Variants in SMG6 observed in about 807,000 individuals in gnomAD.
SMG6 encodes telomerase-binding protein EST1A.
A neutral mutation model predicts 142.2 loss-of-function variants in SMG6; 66 were observed. The observed-to-expected ratio is 0.46, with a 90% CI of 0.38 to 0.57. The LOEUF (loss-of-function observed/expected upper bound fraction) is 0.57. SMG6 is among the 20% of genes least tolerant of loss of function. SMG6 has a pLI of 0.00. For missense variants in SMG6, 1,793 were observed against 1,832.0 expected (o/e 0.98, Z 0.39); for synonymous variants, 779 against 702.4 (o/e 1.11, Z -1.72).
intron 10 of SMG6, among the ~76,000 whole-genome samples, chr17:2,226,050 C>T (rs551533951): frequency 1.1e-3 from 161 of 152,032 alleles, no homozygotes; most frequent in African/African-American, 3.3e-3. Flanking sequence ...CTGAGGCAGG[C>T]GGATCGCCTG....
At chr17:2,098,815 G>T (rs2068928377) in intron 13 of SMG6, among the ~76,000 whole-genome samples, 1 of 150,544 alleles carries the variant, frequency 6.6e-6, no homozygotes, top group Non-Finnish European at 1.5e-5. Flanking sequence ...ATTTTTAATA[G>T]AGACGGAGCT....
rs139519266 is a variant in SMG6, at chr17:2,241,200, G to A, written c.2723+3458C>T. 2.4e-3 allele frequency among the ~76,000 whole-genome samples: 369 copies of A among 152,242 alleles called. 1 individual carries two copies. Among genetic ancestry groups the A allele is most frequent in the African/African-American group, 8.1e-3 (338 of 41,534 alleles). On this transcript the variant is annotated intron_variant, in intron 9 of 18. Transcript: ENST00000263073. ...CTTTACCTTTTTGACAACAGAATAT[G>A]TTATATGCAGGAATAAAAGAGATCC...
chr17:2,176,092 T>C (rs1213145871), intron 12 of SMG6, among the ~76,000 whole-genome samples: 1 of 152,126 alleles, frequency 6.6e-6, no homozygotes, highest in Non-Finnish European at 1.5e-5. Flanking sequence ...AGTTAAGATA[T>C]TTGCAAAAGG....
At position 2,085,601 on chromosome 17, in the gene SMG6, C is replaced by G. The variant is rs1333754746; in HGVS notation, c.3534+124G>C. 1.0e-6 allele frequency: 1 copy of G among 985,906 alleles called. No homozygotes were observed. Among genetic ancestry groups the G allele is most frequent in the Non-Finnish European group, 1.5e-6 (1 of 662,588 alleles). The allele number at this position is 985,906 out of a possible 1,614,324, so 61.1% of individuals were successfully genotyped here. A position where few individuals can be genotyped will look rare whatever the true frequency, so the allele number is the denominator to read the frequency against. On this transcript the variant is annotated intron_variant, in intron 14 of 18. Coordinates refer to ENST00000263073, the MANE Select transcript of SMG6 (RefSeq NM_017575.5). This position sits in a 1 kb window ranked among gnomAD's most constrained non-coding sequence, Gnocchi z 4.1. ...TCAGAGCACACTCTCGAGAAGCTGG[C>G]TGGTCACATTAACACAGACGCTGTT...
chr17:2,122,785 T>C (rs1013711882), intron 13 of SMG6, among the ~76,000 whole-genome samples: 13 of 152,160 alleles, frequency 8.5e-5, no homozygotes, highest in African/African-American at 3.1e-4. Flanking sequence ...AGCTGAAACA[T>C]GTCCCTGTAA....
intron 10 of SMG6, among the ~76,000 whole-genome samples, chr17:2,229,767 C>G (rs563912736): frequency 6.6e-6 from 1 of 152,310 alleles, no homozygotes; most frequent in African/African-American, 2.4e-5. Context: ...CACCCCTCAC[C>G]AGCCCCCTAG....
chr17:2,223,922 C>CA (rs1213065138), intron 10 of SMG6, among the ~76,000 whole-genome samples: 22 of 148,370 alleles, frequency 1.5e-4, no homozygotes, highest in Middle Eastern at 3.4e-3. Context: ...ACAGGCAGAG[C>CA]AAAAAAAAAG....
chr17:2,067,477 T>C (rs2067984697), intron 16 of SMG6, among the ~76,000 whole-genome samples: 1 of 151,916 alleles, frequency 6.6e-6, no homozygotes, highest in Non-Finnish European at 1.5e-5. Context: ...AGCTCCTGGG[T>C]AGGAAAGCAG....
intron 10 of SMG6, among the ~76,000 whole-genome samples, chr17:2,206,702 A>T (rs933837373): frequency 6.6e-6 from 1 of 152,096 alleles, no homozygotes; most frequent in African/African-American, 2.4e-5. Flanking sequence ...AGCCTGACCA[A>T]CATGGTGAAA....
chr17:2,294,474 C>T (rs1434234001), intron 4 of SMG6, among the ~76,000 whole-genome samples: 2 of 152,220 alleles, frequency 1.3e-5, no homozygotes, highest in African/African-American at 4.8e-5. Context: ...TATTCCCGGT[C>T]ACTTTCTGTA....
chr17:2,078,368 T>C (rs1253814878), intron 15 of SMG6, among the ~76,000 whole-genome samples: 1 of 151,992 alleles, frequency 6.6e-6, no homozygotes, highest in East Asian at 1.9e-4. Flanking sequence ...GCTACTATTA[T>C]TGTCACTGAA....
intron 2 of SMG6, among the ~76,000 whole-genome samples, chr17:2,298,405 A>G (rs949733169): frequency 1.1e-4 from 17 of 152,242 alleles, no homozygotes; most frequent in African/African-American, 4.1e-4. Context: ...AAGAAAAAGT[A>G]GGATGCATAA....
intron 13 of SMG6, among the ~76,000 whole-genome samples, chr17:2,132,345 G>A (rs1005522686): frequency 6.6e-6 from 1 of 152,166 alleles, no homozygotes; most frequent in East Asian, 1.9e-4. Context: ...GAATGAACGC[G>A]AGAAGTCAAG....
intron 8 of SMG6, among the ~76,000 whole-genome samples, chr17:2,281,669 C>A (rs77630343): frequency 0.021 from 3,138 of 152,236 alleles, 61 homozygotes; most frequent in South Asian, 0.072. Context: ...AGATGTTATT[C>A]CCCTATTTAA....
Position 2,081,870 on chromosome 17 carries a change from G to C in SMG6, c.3621C>G (p.Ala1207=). The C allele has an allele frequency of 6.2e-7, 1 of 1,614,096 alleles. No homozygotes were observed. The highest frequency in any genetic ancestry group is 1.6e-4 in the Middle Eastern group (1 of 6,062). The part of the protein sequence containing the change: ...GGEDDIRELR[A]KKLALARKIA... ...TCTTCCTGGCCAGAGCCAGCTTCTT[G>C]GCCCGAAGCTCCCTGATGTCATCCT... Residue 1207 remains alanine (A), a synonymous_variant, in exon 15 of 19, where the codon GCC becomes GCG. Transcript: ENST00000263073.
At chr17:2,250,486 C>G (rs977491209) in intron 8 of SMG6, among the ~76,000 whole-genome samples, 2 of 151,742 alleles carry the variant, frequency 1.3e-5, no homozygotes, top group Admixed American at 6.6e-5. Context: ...CTCCTAGGCT[C>G]AAGTGATCCT....
intron 13 of SMG6, among the ~76,000 whole-genome samples, chr17:2,157,979 G>T (rs117829066): frequency 6.6e-6 from 1 of 152,124 alleles, no homozygotes; most frequent in Non-Finnish European, 1.5e-5. Context: ...TCACAGGAGT[G>T]GGACACATAA....
chr17:2,260,721 G>A lies in SMG6; in HGVS notation c.2662-16002C>T, dbSNP rs1300790145. Among the ~76,000 whole-genome samples the A allele has an allele frequency of 3.9e-5, 6 of 152,176 alleles. No homozygotes were observed. In the South Asian group the frequency reaches 6.2e-4, roughly 16 times the overall value. The stretch of plus-strand genomic sequence containing the variant: ...AGAGTTAAAAGGGAAGAGGCCGGGC[G>A]CAGTGGCTCATGCCTGTAATCCCAG... On this transcript the variant is annotated intron_variant, in intron 8 of 18. Transcript: ENST00000263073.
At chr17:2,181,700 T>C (rs2071811013) in intron 12 of SMG6, among the ~76,000 whole-genome samples, 1 of 152,238 alleles carries the variant, frequency 6.6e-6, no homozygotes, top group Admixed American at 6.5e-5. Flanking sequence ...GCCCAGAATG[T>C]GAAGCCCAGC....
Sources: gnomAD v4.1 joint callset for allele counts (sites outside exome capture counted in the v4.1 genomes callset) on GRCh38, gnomAD v4.1.1 for gene constraint, Gnocchi (gnomAD v3.1) non-coding constraint, MANE v1.5 for transcripts, NCBI Gene and HGNC (gene_info 2026-07-23, HGNC 2026-07-21) for gene names.